Variants in TSPAN7 observed in about 807,000 individuals in gnomAD.
The protein encoded by TSPAN7 is tetraspanin-7.
In TSPAN7, 1 loss-of-function variant was observed where a neutral mutation model predicts 17.6. The ratio of observed to expected loss-of-function variants is 0.06; its 90% CI spans 0.02 to 0.27. TSPAN7 has a LOEUF of 0.27. TSPAN7 is among the 10% of genes least tolerant of loss of function. The probability of loss-of-function intolerance (pLI) is 1.00; values close to 1 mark genes in which losing one functional copy is unlikely to be tolerated. For synonymous variants in TSPAN7, 78 were observed against 79.0 expected, an observed-to-expected ratio of 0.99 and a Z score of 0.07; for missense variants, 112 against 201.7, an observed-to-expected ratio of 0.56 and a Z score of 2.69.
chrX:38,592,715 TTTTATTTC>T (rs2069298656), intron 1 of TSPAN7, among the ~76,000 whole-genome samples: 2 of 111,178 alleles, frequency 1.8e-5, no homozygotes, highest in African/African-American at 6.5e-5. Context: ...TACATTTTAT[TTTTATTTC>T]TTTTTAATTT....
chrX:38,602,110 C>T (rs1043782773), intron 1 of TSPAN7, among the ~76,000 whole-genome samples: 3 of 111,186 alleles, frequency 2.7e-5, no homozygotes, highest in Non-Finnish European at 5.7e-5. Flanking sequence ...CACAGTGGAC[C>T]TTTTAGTTGC....
intron 1 of TSPAN7, among the ~76,000 whole-genome samples, chrX:38,578,704 A>G (rs1308079274): frequency 9.0e-6 from 1 of 111,100 alleles, no homozygotes; most frequent in Non-Finnish European, 1.9e-5. Flanking sequence ...CTAAGATGTT[A>G]GAAGTGAACT....
rs1046735402 is a variant in TSPAN7, at chrX:38,580,811, G to T, written c.81+19184G>T. ...GTGTTTAAAGTGAGGTTTCAACTTGGACCTCTCCAGCCCCACTGAGCCCAG... is the reference window on the plus strand; with the variant it reads ...GTGTTTAAAGTGAGGTTTCAACTTGTACCTCTCCAGCCCCACTGAGCCCAG... On this transcript the variant is annotated intron_variant, in intron 1 of 7. Transcript: ENST00000378482. 7.4e-4 allele frequency among the ~76,000 whole-genome samples: 83 copies of T among 111,465 alleles called. 1 individual carries two copies. The highest frequency in any genetic ancestry group is 4.6e-3 in the Middle Eastern group (1 of 219).
chrX:38,563,479 G>A (rs753815420), intron 1 of TSPAN7, among the ~76,000 whole-genome samples: 14 of 110,679 alleles, frequency 1.3e-4, no homozygotes, highest in Admixed American at 1.2e-3. Context: ...ATATTGGGAG[G>A]GGGGAGGTAT....
At chrX:38,685,197 G>A (rs756611898) in intron 6 of TSPAN7, among the ~76,000 whole-genome samples, 3 of 111,712 alleles carry the variant, frequency 2.7e-5, no homozygotes, top group Non-Finnish European at 5.6e-5. Context: ...TTCTTAGATA[G>A]GACAAGAGGG....
rs552472697 is a variant in TSPAN7 at position 38,621,286 on chromosome X, A to T, written c.82-44835A>T. Among the ~76,000 whole-genome samples, 18 of 112,148 alleles carry T rather than the reference A, an allele frequency of 1.6e-4. No homozygotes were observed. In the South Asian group the frequency reaches 6.8e-3, roughly 42 times the overall value. On this transcript the variant is annotated intron_variant, in intron 1 of 7. Transcript: ENST00000378482. The stretch of plus-strand genomic sequence containing the variant: ...ATCCTGTTTCATTTACCTTCACTTG[A>T]CACAGGAGTTTGAGAAGTCCTGGGC...
chrX:38,640,346 G>A (rs1021073586), intron 1 of TSPAN7, among the ~76,000 whole-genome samples: 1 of 111,537 alleles, frequency 9.0e-6, no homozygotes, highest in East Asian at 2.8e-4. Flanking sequence ...GCATAATAGC[G>A]AAATATGAGA....
intron 1 of TSPAN7, among the ~76,000 whole-genome samples, chrX:38,614,777 G>C (rs189132963): frequency 3.5e-4 from 39 of 112,157 alleles, no homozygotes; most frequent in Admixed American, 1.0e-3. Flanking sequence ...CCACCCAGTA[G>C]AATGTGTGTC....
rs190667428 is a variant in TSPAN7, at chrX:38,662,335, G to A, written c.82-3786G>A. ...TCATTTCTGATAGTTCTTCACAGAG[G>A]TTCAGAGGGTATAGCAAATAGATGG... On this transcript the variant is annotated intron_variant, in intron 1 of 7. Coordinates refer to ENST00000378482, the MANE Select transcript of TSPAN7 (RefSeq NM_004615.4). Among the ~76,000 whole-genome samples the A allele has an allele frequency of 4.8e-3, 539 of 112,110 alleles. 4 individuals carry two copies. The highest frequency in any genetic ancestry group is 0.017 in the African/African-American group (513 of 30,883).
In TSPAN7 at chrX:38,675,858, A is replaced by G; in HGVS notation, c.595A>G (p.Lys199Glu). 1 of 1,211,255 alleles carries G rather than the reference A, an allele frequency of 8.3e-7. No homozygotes were observed. The highest frequency in any genetic ancestry group is 1.1e-6 in the Non-Finnish European group (1 of 895,312). The change falls in exon 5 of 8, where the codon AAG becomes GAG. Residue 199 changes from lysine (K) to glutamate (E), a missense_variant and splice_region_variant. Coordinates refer to ENST00000378482, the MANE Select transcript of TSPAN7 (RefSeq NM_004615.4). ...LTVAATKVNQ[K>E]GCYDLVTSFM... is the part of the protein sequence containing the mutation. ...TGTGGCCGCCACCAAAGTTAACCAGAAGGTACCCGCTTTCTCCTGGCCCAG... is the reference window on the plus strand; with the variant it reads ...TGTGGCCGCCACCAAAGTTAACCAGGAGGTACCCGCTTTCTCCTGGCCCAG...
intron 3 of TSPAN7, among the ~76,000 whole-genome samples, chrX:38,672,438 G>A: frequency 9.1e-6 from 1 of 110,034 alleles, no homozygotes; most frequent in Non-Finnish European, 1.9e-5. Context: ...CTCCCCTACT[G>A]CCTTGTTTTT....
At chrX:38,599,325 T>G (rs1343272081) in intron 1 of TSPAN7, among the ~76,000 whole-genome samples, 1 of 111,186 alleles carries the variant, frequency 9.0e-6, no homozygotes, top group Non-Finnish European at 1.9e-5. Context: ...ATCAAGGATT[T>G]TGATTAATAG....
intron 1 of TSPAN7, among the ~76,000 whole-genome samples, chrX:38,642,657 G>A (rs1602109886): frequency 8.9e-6 from 1 of 112,088 alleles, no homozygotes; most frequent in East Asian, 2.8e-4. Context: ...AAGATAGAGT[G>A]TAATCACATA....
intron 1 of TSPAN7, among the ~76,000 whole-genome samples, chrX:38,652,967 C>G (rs969247906): frequency 1.8e-5 from 2 of 112,154 alleles, no homozygotes; most frequent in Non-Finnish European, 3.8e-5. Flanking sequence ...TAATATTGGA[C>G]AGAGGAACTC....
At chrX:38,591,086 T>C (rs2069288556) in intron 1 of TSPAN7, among the ~76,000 whole-genome samples, 1 of 111,070 alleles carries the variant, frequency 9.0e-6, no homozygotes, top group African/African-American at 3.3e-5. Context: ...ATCAGTTTTC[T>C]CTTTTTTTTC....
At chrX:38,575,346 A>G (rs1257613363) in intron 1 of TSPAN7, among the ~76,000 whole-genome samples, 2 of 112,348 alleles carry the variant, frequency 1.8e-5, no homozygotes, top group African/African-American at 6.5e-5. Context: ...TTGAGCTTCT[A>G]CATTTGTGGT....
At chrX:38,573,700 C>T (rs767883943) in intron 1 of TSPAN7, among the ~76,000 whole-genome samples, 87 of 111,690 alleles carry the variant, frequency 7.8e-4, no homozygotes, top group African/African-American at 2.6e-3. Context: ...TTAGGCTCCC[C>T]TTGGCTGTGA....
intron 1 of TSPAN7, among the ~76,000 whole-genome samples, chrX:38,620,146 A>T (rs2069481109): frequency 8.9e-6 from 1 of 111,756 alleles, no homozygotes; most frequent in Non-Finnish European, 1.9e-5. Flanking sequence ...AGAGTTGTGA[A>T]TGGGGTAGGG....
intron 1 of TSPAN7, among the ~76,000 whole-genome samples, chrX:38,583,440 A>G (rs773994004): frequency 2.5e-3 from 284 of 112,292 alleles, no homozygotes; most frequent in African/African-American, 9.0e-3. Flanking sequence ...TACTCATCGC[A>G]TTTATTCAAG....
Sources: gnomAD v4.1 joint callset for allele counts (sites outside exome capture counted in the v4.1 genomes callset) on GRCh38, gnomAD v4.1.1 for gene constraint, MANE v1.5 for transcripts, NCBI Gene and HGNC (gene_info 2026-07-23, HGNC 2026-07-21) for gene names.